Variants in PPAT observed in about 807,000 individuals in gnomAD.
PPAT encodes the protein phosphoribosyl pyrophosphate amidotransferase, also known as amidophosphoribosyltransferase.
In PPAT, 20 loss-of-function variants were observed where a neutral mutation model predicts 60.2. The observed-to-expected ratio is 0.33, with a 90% CI of 0.23 to 0.48. The LOEUF is 0.48. PPAT is among the 20% of genes least tolerant of loss of function. The pLI, the probability that PPAT is intolerant of heterozygous loss-of-function variation, is 0.99. For synonymous variants in PPAT, 194 were observed against 215.1 expected (o/e 0.90, Z 0.86); for missense variants, 349 against 629.6 (o/e 0.55, Z 4.77).
intron 1 of PPAT, among the ~76,000 whole-genome samples, chr4:56,411,260 CA>C (rs1716449775): frequency 6.6e-6 from 1 of 152,134 alleles, no homozygotes; most frequent in African/African-American, 2.4e-5. Flanking sequence ...GGAAAAATAT[CA>C]AAAACATTGC....
At chr4:56,421,972 T>C (rs1717059509) in intron 1 of PPAT, 1 of 151,968 alleles carries the variant, frequency 6.6e-6, no homozygotes, top group African/African-American at 2.4e-5. Context: ...TGCATTAGAG[T>C]TTAAAACACA....
At chr4:56,425,647 T>C (rs1717245914) in intron 1 of PPAT, among the ~76,000 whole-genome samples, 1 of 152,198 alleles carries the variant, frequency 6.6e-6, no homozygotes. Flanking sequence ...CAGAGGCATC[T>C]TTGTTGTGTT....
chr4:56,403,126 T>C lies in PPAT; in HGVS notation c.575A>G (p.Asp192Gly). Residue 192 changes from aspartate to glycine, a missense_variant, in exon 5 of 11, where the codon GAT (aspartate) becomes GGT (glycine). This residue lies in a region of PPAT where 63 missense variants were observed against 86.9 expected (regional missense o/e 0.73). Transcript: ENST00000264220. ...TAYSLLIMHR[D>G]VIYAVRDPYG... ...AGGATCTCGTACTGCATAAATAACA[T>C]CTCTGTGCATTATAAGCAGGGAGTA... 1 of 1,612,190 alleles carries C rather than the reference T, an allele frequency of 6.2e-7. No individual in the cohort carries two copies.
chr4:56,415,809 G>A (rs1716700008), intron 1 of PPAT, among the ~76,000 whole-genome samples: 1 of 152,092 alleles, frequency 6.6e-6, no homozygotes, highest in African/African-American at 2.4e-5. Context: ...GGGCACAGTG[G>A]CTCACACCTG....
chr4:56,435,156 A>G (rs1178935072), intron 1 of PPAT, among the ~76,000 whole-genome samples, 194 bp downstream of exon 1: 1 of 152,232 alleles, frequency 6.6e-6, no homozygotes, highest in Non-Finnish European at 1.5e-5. Flanking sequence ...TGGGCAGGAC[A>G]GGCTAAAGTT....
At chr4:56,427,159 G>A (rs566658898) in intron 1 of PPAT, among the ~76,000 whole-genome samples, 2 of 152,056 alleles carry the variant, frequency 1.3e-5, no homozygotes, top group South Asian at 2.1e-4. Context: ...TCTGCCTTTC[G>A]GCTATTATCA....
intron 1 of PPAT, among the ~76,000 whole-genome samples, chr4:56,418,851 C>T (rs1159925177): frequency 6.6e-6 from 1 of 152,196 alleles, no homozygotes; most frequent in Non-Finnish European, 1.5e-5. Context: ...ACCTAATACA[C>T]ACCATGGCAT....
intron 1 of PPAT, chr4:56,421,737 C>T (rs1165368069): frequency 6.6e-6 from 1 of 152,170 alleles, no homozygotes; most frequent in Non-Finnish European, 1.5e-5. Context: ...TATACATCTC[C>T]CCCAGTTAGA....
At chr4:56,406,878 G>A (rs1193480154) in intron 2 of PPAT, among the ~76,000 whole-genome samples, 177 bp from the exon 3 acceptor site, 1 of 152,174 alleles carries the variant, frequency 6.6e-6, no homozygotes, top group Non-Finnish European at 1.5e-5. Context: ...TGTAAGAACT[G>A]TGAAGCACTT....
chr4:56,406,744 T>C (rs369815262), intron 2 of PPAT, 43 bp from the exon 3 acceptor site: 18 of 1,392,702 alleles, frequency 1.3e-5, no homozygotes, highest in East Asian at 2.4e-5. Context: ...AACAGACTAG[T>C]ACTGCTAGTA....
intron 1 of PPAT, among the ~76,000 whole-genome samples, chr4:56,425,132 G>A (rs913971295): frequency 6.6e-6 from 1 of 152,082 alleles, no homozygotes; most frequent in African/African-American, 2.4e-5. Context: ...GGGGCATTAA[G>A]GAATCTACTG....
At chr4:56,426,360 C>A (rs1206463060) in intron 1 of PPAT, among the ~76,000 whole-genome samples, 1 of 152,036 alleles carries the variant, frequency 6.6e-6, no homozygotes, top group Non-Finnish European at 1.5e-5. Flanking sequence ...CGTGGTCACA[C>A]CACTGCACTC....
chr4:56,423,925 T>A (rs1486456361), intron 1 of PPAT, among the ~76,000 whole-genome samples: 1 of 152,194 alleles, frequency 6.6e-6, no homozygotes, highest in Non-Finnish European at 1.5e-5. Context: ...TTAGGAAGAA[T>A]GTAATAGAAC....
chr4:56,432,067 CTAAT>C (rs761995893), intron 1 of PPAT, among the ~76,000 whole-genome samples: 13 of 152,316 alleles, frequency 8.5e-5, no homozygotes, highest in Non-Finnish European at 1.8e-4. Flanking sequence ...ACTGGCTTAA[CTAAT>C]TGATACTCTA....
intron 7 of PPAT, 36 bp downstream of exon 7, chr4:56,401,293 AT>A (rs1184206389): frequency 2.0e-6 from 3 of 1,527,980 alleles, no homozygotes; most frequent in South Asian, 1.2e-5. Flanking sequence ...TAGCTAAAAC[AT>A]TTATATGAAT....
chr4:56,429,369 A>G lies in PPAT; in HGVS notation c.128+5981T>C, dbSNP rs187008715. 2.3e-3 allele frequency among the ~76,000 whole-genome samples: 347 copies of G among 152,324 alleles called. 10 individuals carry two copies. The South Asian group carries it at 0.038, about 17-fold the overall frequency. On this transcript the variant is annotated intron_variant, in intron 1 of 10. Transcript: ENST00000264220. ...CAGATGTAAAAAGAAAAAAATCCAC[A>G]GTTCTTCAAAGGTAGTCAATAATCA...
intron 1 of PPAT, chr4:56,431,347 A>G (rs181403927): frequency 2.3e-4 from 116 of 503,480 alleles, no homozygotes; most frequent in African/African-American, 8.1e-4. Flanking sequence ...CTAGATCCAT[A>G]TAAGTCTGAC....
intron 10 of PPAT, 125 bp from the exon 11 acceptor site, chr4:56,395,673 TTAAAA>T: frequency 4.7e-6 from 3 of 636,828 alleles, no homozygotes; most frequent in Non-Finnish European, 6.6e-6. Flanking sequence ...TAGCCTTTCT[TTAAAA>T]AAAAAAAAAA....
chr4:56,395,491 C>T lies in PPAT; in HGVS notation c.1415G>A (p.Gly472Glu). 6.2e-7 allele frequency: 1 copy of T among 1,610,480 alleles called. No homozygotes were observed. The highest frequency in any genetic ancestry group is 8.5e-7 in the Non-Finnish European group (1 of 1,178,530). Residue 472 changes from glycine (G) to glutamate (E), a missense_variant, in exon 11 of 11, where the codon GGG (glycine) becomes GAG (glutamate). By Grantham distance (98) the Gly-to-Glu change is moderately conservative (BLOSUM62 -2). Around this residue, in one of 5 missense-constraint regions of PPAT, gnomAD observed 167 missense variants for 328.6 expected, o/e 0.51. Transcript: ENST00000264220. ...CTCTTTCTGTTTTTTAAACTTTATC[C>T]CTTCTTGTACAGATGAAACCAGTCC... ...VEGLVSSVQE[G>E]IKFKKQKEKK...
Sources: gnomAD v4.1 joint callset for allele counts (sites outside exome capture counted in the v4.1 genomes callset) on GRCh38, gnomAD v4.1.1 for gene constraint, gnomAD v4.1.1 regional missense constraint, MANE v1.5 for transcripts, NCBI Gene and HGNC (gene_info 2026-07-23, HGNC 2026-07-21) for gene names.